The following ROBO2 variants were observed in gnomAD, a reference collection of about 807,000 sequenced individuals.
ROBO2 encodes the protein roundabout guidance receptor 2.
ROBO2 carries 53 observed loss-of-function variants against 160.8 expected under a neutral mutation model. The ratio of observed to expected loss-of-function variants is 0.33; its 90% CI spans 0.26 to 0.41. The LOEUF (loss-of-function observed/expected upper bound fraction) is 0.41, where lower values mean the gene tolerates loss of function less well. Among genes scored for constraint, ROBO2 ranks in the 10% least tolerant of loss-of-function variants. The pLI is 1.00. For synonymous variants in ROBO2, 664 were observed against 611.7 expected, an observed-to-expected ratio of 1.09 and a Z score of -1.26; for missense variants, 1,577 against 1,722.4, an observed-to-expected ratio of 0.92 and a Z score of 1.49.
At chr3:76,541,911 T>C (rs1272034457) in intron 2 of ROBO2, among the ~76,000 whole-genome samples, 1 of 152,212 alleles carries the variant, frequency 6.6e-6, no homozygotes, top group Non-Finnish European at 1.5e-5. Flanking sequence ...AGGGGATTAC[T>C]TTCCCACTTC....
intron 2 of ROBO2, among the ~76,000 whole-genome samples, chr3:76,574,376 C>A (rs1395922081): frequency 6.6e-6 from 1 of 152,008 alleles, no homozygotes; most frequent in Non-Finnish European, 1.5e-5. Flanking sequence ...AAAGTAAACC[C>A]ATTCTGGAGA....
chr3:77,252,807 CAAAA>C (rs1182786373), intron 2 of ROBO2, among the ~76,000 whole-genome samples: 1 of 32,052 alleles, frequency 3.1e-5, no homozygotes, highest in East Asian at 5.8e-4. Flanking sequence ...GACTCCATCT[CAAAA>C]AAAAAAAAAA....
intron 2 of ROBO2, among the ~76,000 whole-genome samples, chr3:76,683,236 A>AT (rs1299133485): frequency 6.6e-6 from 1 of 152,168 alleles, no homozygotes; most frequent in East Asian, 1.9e-4. Context: ...TCTGTAATTT[A>AT]ATTACTTTGA....
chr3:76,696,631 A>G (rs917303080), intron 2 of ROBO2, among the ~76,000 whole-genome samples: 1 of 152,204 alleles, frequency 6.6e-6, no homozygotes, highest in Non-Finnish European at 1.5e-5. Flanking sequence ...GTCACTCTGT[A>G]TCTCTACTAT....
chr3:75,917,832 C>G (rs1415784884), intron 1 of ROBO2, among the ~76,000 whole-genome samples: 1 of 152,068 alleles, frequency 6.6e-6, no homozygotes, highest in Non-Finnish European at 1.5e-5. Context: ...ACATACATGT[C>G]TTCTTTTGAG....
At chr3:77,353,952 G>T (rs965939962) in intron 2 of ROBO2, among the ~76,000 whole-genome samples, 9 of 152,118 alleles carry the variant, frequency 5.9e-5, no homozygotes, top group Non-Finnish European at 1.3e-4. Context: ...ATTAATTACC[G>T]CTTCTTCCCA....
chr3:77,291,339 C>G (rs1447322813), intron 2 of ROBO2, among the ~76,000 whole-genome samples: 1 of 151,464 alleles, frequency 6.6e-6, no homozygotes, highest in African/African-American at 2.4e-5. Context: ...TCACCCCAGA[C>G]GTAAAGTAAA....
intron 3 of ROBO2, among the ~76,000 whole-genome samples, chr3:77,478,698 G>T (rs1035076772): frequency 6.6e-6 from 1 of 152,064 alleles, no homozygotes; most frequent in Non-Finnish European, 1.5e-5. Context: ...GAATAAATGT[G>T]CCATTTTAAT....
At chr3:76,846,708 A>G (rs1270538489) in intron 2 of ROBO2, among the ~76,000 whole-genome samples, 1 of 152,168 alleles carries the variant, frequency 6.6e-6, no homozygotes, top group Non-Finnish European at 1.5e-5. Context: ...TAAACTCACA[A>G]ACTATTTAGT....
chr3:77,088,136 C>T (rs1246147489), intron 1 of ROBO2, among the ~76,000 whole-genome samples: 1 of 152,092 alleles, frequency 6.6e-6, no homozygotes, highest in Non-Finnish European at 1.5e-5. Flanking sequence ...CACTGAATAA[C>T]ATGCGGTAGT....
intron 2 of ROBO2, among the ~76,000 whole-genome samples, chr3:76,756,629 C>A (rs2060986212): frequency 6.6e-6 from 1 of 151,884 alleles, no homozygotes; most frequent in Non-Finnish European, 1.5e-5. Context: ...GATGATCCAT[C>A]AGAGTTAACA....
chr3:76,183,702 T>C (rs1259735422), intron 2 of ROBO2, among the ~76,000 whole-genome samples: 1 of 152,126 alleles, frequency 6.6e-6, no homozygotes, highest in Non-Finnish European at 1.5e-5. Flanking sequence ...ACTCCGAATA[T>C]TCTATTGGCT....
chr3:76,928,680 A>G (rs1285872231), intron 2 of ROBO2, among the ~76,000 whole-genome samples: 2 of 152,018 alleles, frequency 1.3e-5, no homozygotes, highest in Admixed American at 1.3e-4. Context: ...TTGCTTCACT[A>G]GGCTTCCAAG....
In ROBO2 at chr3:76,420,022, A is replaced by G. The variant is rs73840982; in HGVS notation, c.109+482420A>G. Among the ~76,000 whole-genome samples, 590 of 152,294 alleles carry G rather than the reference A, an allele frequency of 3.9e-3. 6 individuals carry two copies. The highest frequency in any genetic ancestry group is 0.013 in the African/African-American group (554 of 41,578). ...CTATATGCAGTTCTTCTTTTAGCGT[A>G]TTATTCATCATATCACAGGTAATAT... is the stretch of plus-strand genomic sequence containing the variant. On this transcript the variant is annotated intron_variant, in intron 2 of 26. Transcript: ENST00000487694.
At chr3:76,303,789 G>T (rs1576326735) in intron 2 of ROBO2, among the ~76,000 whole-genome samples, 2 of 152,254 alleles carry the variant, frequency 1.3e-5, no homozygotes, top group African/African-American at 2.4e-5. Flanking sequence ...TCATTTGAAG[G>T]TTCAACTAAT....
chr3:76,076,735 T>A (rs1450586182), intron 2 of ROBO2, among the ~76,000 whole-genome samples: 1 of 152,126 alleles, frequency 6.6e-6, no homozygotes, highest in African/African-American at 2.4e-5. Context: ...GCCACATGTG[T>A]TATATAGAAG....
At chr3:76,128,546 G>C (rs565548423) in intron 2 of ROBO2, among the ~76,000 whole-genome samples, 1 of 151,414 alleles carries the variant, frequency 6.6e-6, no homozygotes, top group Non-Finnish European at 1.5e-5. Flanking sequence ...ATAACTAGTC[G>C]CTGTATCTAA....
At chr3:77,595,298 A>G in intron 18 of ROBO2, 114 bp downstream of exon 19, 1 of 830,412 alleles carries the variant, frequency 1.2e-6, no homozygotes. Context: ...TGAGAATTCT[A>G]GGAGGAATTA....
chr3:76,006,636 A>T (rs946733301), intron 2 of ROBO2, among the ~76,000 whole-genome samples: 1 of 152,120 alleles, frequency 6.6e-6, no homozygotes, highest in Non-Finnish European at 1.5e-5. Context: ...AAAATTTCAC[A>T]TTTATAAAGT....
Sources: gnomAD v4.1 joint callset for allele counts (sites outside exome capture counted in the v4.1 genomes callset) on GRCh38, gnomAD v4.1.1 for gene constraint, MANE v1.5 for transcripts, NCBI Gene and HGNC (gene_info 2026-07-23, HGNC 2026-07-21) for gene names.